Variants in PARP8 observed in about 807,000 individuals in gnomAD.
The protein encoded by PARP8 is protein mono-ADP-ribosyltransferase PARP8.
In PARP8, 51 loss-of-function variants were observed where a neutral mutation model predicts 124.1. The ratio of observed to expected loss-of-function variants is 0.41; its 90% confidence interval spans 0.33 to 0.52. PARP8 has a LOEUF of 0.52. Ranked by LOEUF, PARP8 falls within the 20% of genes least tolerant of loss-of-function variation. The pLI is 0.21. For missense variants in PARP8, 860 were observed against 1,018.9 expected, an observed-to-expected ratio of 0.84 and a Z score of 2.12; for synonymous variants, 391 against 361.5, an observed-to-expected ratio of 1.08 and a Z score of -0.93.
chr5:50,737,414 G>A (rs1757576851), intron 2 of PARP8, among the ~76,000 whole-genome samples: 1 of 152,034 alleles, frequency 6.6e-6, no homozygotes. Context: ...GAGAATAAGG[G>A]TACTCATTAG....
intron 14 of PARP8, among the ~76,000 whole-genome samples, chr5:50,800,007 G>T (rs1169782252): frequency 1.3e-5 from 2 of 152,108 alleles, no homozygotes; most frequent in African/African-American, 4.8e-5. Context: ...TATGGTATTC[G>T]ATTACAGCAG....
chr5:50,767,814 A>G (rs1357368222), intron 7 of PARP8, among the ~76,000 whole-genome samples: 1 of 152,230 alleles, frequency 6.6e-6, no homozygotes, highest in Non-Finnish European at 1.5e-5. Context: ...CACATTGAGT[A>G]GGCATGCAGA....
At chr5:50,755,362 G>A (rs1490690050) in intron 3 of PARP8, among the ~76,000 whole-genome samples, 2 of 152,096 alleles carry the variant, frequency 1.3e-5, no homozygotes, top group African/African-American at 4.8e-5. Flanking sequence ...TTTATATAAG[G>A]TGTAAGGAAA....
chr5:50,724,876 A>T (rs747856012), intron 2 of PARP8, among the ~76,000 whole-genome samples: 19 of 151,820 alleles, frequency 1.3e-4, no homozygotes, highest in Non-Finnish European at 2.5e-4. Flanking sequence ...TCTGAGTCTC[A>T]AAAGTCCATT....
chr5:50,722,123 G>T (rs1447536810), intron 2 of PARP8, among the ~76,000 whole-genome samples: 1 of 152,066 alleles, frequency 6.6e-6, no homozygotes. Flanking sequence ...ATGAGGGACA[G>T]CTGGACTGAG....
intron 2 of PARP8, among the ~76,000 whole-genome samples, chr5:50,743,044 G>T (rs755051222): frequency 1.3e-5 from 2 of 152,130 alleles, no homozygotes; most frequent in Non-Finnish European, 2.9e-5. Context: ...TAAAATTGTG[G>T]TTAGAAAGTG....
At position 50,828,074 on chromosome 5, in the gene PARP8, T is replaced by G; in HGVS notation, c.2090+18T>G. The G allele has an allele frequency of 6.6e-7, 1 of 1,508,800 alleles. No individual in the cohort carries two copies. The highest frequency in any genetic ancestry group is 9.2e-7 in the Non-Finnish European group (1 of 1,084,570). The allele number at this position is 1,508,800 out of a possible 1,614,324, so 93.5% of individuals were successfully genotyped here. On this transcript the variant is annotated intron_variant, in intron 20 of 25. Coordinates refer to ENST00000281631, the MANE Select transcript of PARP8 (RefSeq NM_024615.4). ...GCATTTCAGTGAGTAAGGCTTAATG[T>G]TAATGGGGGTGTGCTCCCATTAACA...
In PARP8 at chr5:50,765,299, C is replaced by T. The variant is rs985190417; in HGVS notation, c.518+2057C>T. Among the ~76,000 whole-genome samples, 10 of 151,914 alleles carry T rather than the reference C, an allele frequency of 6.6e-5. 1 individual carries two copies. Among genetic ancestry groups the T allele is most frequent in the Admixed American group, 5.2e-4 (8 of 15,240 alleles). ...GAAAGAAATATTTTTGTTTAGTGGACAACTTTAGCACATGTTTATTTCTTT... is the reference window on the plus strand; with the variant it reads ...GAAAGAAATATTTTTGTTTAGTGGATAACTTTAGCACATGTTTATTTCTTT... On this transcript the variant is annotated intron_variant, in intron 7 of 25. Coordinates refer to ENST00000281631, the MANE Select transcript of PARP8 (RefSeq NM_024615.4).
intron 7 of PARP8, among the ~76,000 whole-genome samples, chr5:50,772,870 T>G (rs2149598133): frequency 6.6e-6 from 1 of 151,954 alleles, no homozygotes; most frequent in Admixed American, 6.5e-5. Flanking sequence ...CTAATTTTTT[T>G]GAATTTTTAT....
chr5:50,801,181 A>G (rs1198414520), intron 14 of PARP8, among the ~76,000 whole-genome samples: 7 of 151,494 alleles, frequency 4.6e-5, no homozygotes, highest in South Asian at 2.1e-4. Context: ...GCTCACTGCA[A>G]CCTCTGCCTC....
chr5:50,687,937 G>T (rs1752051958), intron 2 of PARP8, among the ~76,000 whole-genome samples: 1 of 152,118 alleles, frequency 6.6e-6, no homozygotes, highest in Non-Finnish European at 1.5e-5. Context: ...TCCACCTCCT[G>T]GGCTCAAATG....
In PARP8 at chr5:50,674,920, A is replaced by G. The variant is rs149920237; in HGVS notation, c.146+6795A>G. Among the ~76,000 whole-genome samples the G allele has an allele frequency of 3.7e-3, 569 of 152,370 alleles. 2 individuals are homozygous for G. The highest frequency in any genetic ancestry group is 6.8e-3 in the Middle Eastern group (2 of 294). ...ATGAGTAGAACAAAGTAAGAATAAG[A>G]GGAGAGGATAGTGAAATTTGAGGAT... On this transcript the variant is annotated intron_variant, in intron 2 of 25. Transcript: ENST00000281631.
chr5:50,709,969 T>TAC (rs1377182563), intron 2 of PARP8, among the ~76,000 whole-genome samples: 2 of 136,186 alleles, frequency 1.5e-5, no homozygotes, highest in Admixed American at 7.3e-5. Flanking sequence ...CATACATATA[T>TAC]ACACACACAC....
Position 50,809,654 on chromosome 5 carries a change from G to T in PARP8, c.1576-5778G>T, listed in dbSNP as rs149330061. ...ATATTATTTTTATTCCCATTTTATA[G>T]ATAGGAAAAATGAGCTGTACACATG... On this transcript the variant is annotated intron_variant, in intron 14 of 25. Coordinates refer to ENST00000281631, the MANE Select transcript of PARP8 (RefSeq NM_024615.4). Among the ~76,000 whole-genome samples the T allele has an allele frequency of 5.4e-4, 82 of 151,988 alleles. No individual in the cohort carries two copies. In the East Asian group the frequency reaches 0.014, roughly 26 times the overall value.
At chr5:50,750,616 A>G (rs893485532) in intron 3 of PARP8, among the ~76,000 whole-genome samples, 1 of 152,038 alleles carries the variant, frequency 6.6e-6, no homozygotes, top group African/African-American at 2.4e-5. Context: ...ATTAGTTCAT[A>G]GTTTGGTATG....
At chr5:50,741,079 A>T (rs143336062) in intron 2 of PARP8, among the ~76,000 whole-genome samples, 26 of 152,276 alleles carry the variant, frequency 1.7e-4, no homozygotes, top group African/African-American at 5.8e-4. Flanking sequence ...GACCACTTAA[A>T]ACTTGAACTT....
At chr5:50,678,061 A>G (rs1431868492) in intron 2 of PARP8, among the ~76,000 whole-genome samples, 1 of 152,202 alleles carries the variant, frequency 6.6e-6, no homozygotes, top group African/African-American at 2.4e-5. Flanking sequence ...TAGAATGTAG[A>G]TAAGTACATG....
chr5:50,687,000 G>C (rs1222376512), intron 2 of PARP8, among the ~76,000 whole-genome samples: 4 of 152,116 alleles, frequency 2.6e-5, no homozygotes, highest in Admixed American at 6.5e-5. Flanking sequence ...ATTAACATTC[G>C]GCTTCTAGTT....
At chr5:50,750,303 G>T in intron 3 of PARP8, 115 bp downstream of exon 3, 1 of 849,118 alleles carries the variant, frequency 1.2e-6, no homozygotes, top group Non-Finnish European at 1.9e-6. Flanking sequence ...ACTGGTAGAG[G>T]AAGCCTTAAA....
Sources: allele counts gnomAD v4.1 joint callset (sites outside exome capture counted in the v4.1 genomes callset), GRCh38; gene constraint gnomAD v4.1.1; transcripts MANE v1.5; gene names NCBI Gene and HGNC (gene_info 2026-07-23, HGNC 2026-07-21).